KANK1: variants seen among roughly 807,000 people sequenced by gnomAD.
KANK1 encodes KN motif and ankyrin repeat domains 1.
KANK1 carries 109 observed loss-of-function variants against 106.2 expected under a neutral mutation model. The observed-to-expected ratio is 1.03, with a 90% CI of 0.88 to 1.20. The LOEUF is 1.20. Among genes scored for constraint, KANK1 ranks in the 50% most tolerant of loss-of-function variants. KANK1 has a pLI of 0.00. For synonymous variants in KANK1, 873 were observed against 652.2 expected (o/e 1.34, Z -5.16); for missense variants, 2,399 against 1,710.7 (o/e 1.40, Z -7.10).
intron 1 of KANK1, among the ~76,000 whole-genome samples, chr9:518,022 G>A (rs1005254674): frequency 6.6e-6 from 1 of 151,584 alleles, no homozygotes; most frequent in Non-Finnish European, 1.5e-5. Context: ...ACAGGCATGA[G>A]CCACCTTGCC....
At chr9:624,121 T>C (rs1191276052) in intron 1 of KANK1, among the ~76,000 whole-genome samples, 3 of 152,238 alleles carry the variant, frequency 2.0e-5, no homozygotes, top group Non-Finnish European at 4.4e-5. Context: ...AGTGGAATAA[T>C]CCAGACACAG....
chr9:511,041 A>C (rs548211661), intron 1 of KANK1, among the ~76,000 whole-genome samples: 2 of 152,338 alleles, frequency 1.3e-5, no homozygotes, highest in East Asian at 3.9e-4. Flanking sequence ...TGAATGTATA[A>C]TGATGCAAAA....
intron 10 of KANK1, 31 bp from the exon 11 acceptor site, chr9:744,460 A>G (rs760560498): frequency 4.0e-5 from 64 of 1,600,780 alleles, no homozygotes; most frequent in Non-Finnish European, 5.5e-5. Context: ...GAGAAACCCA[A>G]CATGGCTTGT....
At chr9:532,425 T>C (rs899380533) in intron 1 of KANK1, among the ~76,000 whole-genome samples, 7 of 149,730 alleles carry the variant, frequency 4.7e-5, no homozygotes, top group Non-Finnish European at 8.9e-5. Flanking sequence ...AGTTCATTGA[T>C]GTTAAGTATG....
In KANK1 at chr9:730,223, C is replaced by T. The variant is rs142126997; in HGVS notation, c.2871C>T (p.Asp957=). Residue 957 remains aspartate, a synonymous_variant, in exon 4 of 12, where the codon GAC becomes GAT. Transcript: ENST00000382297. ...EGTLSPVNLT[D]DQIAAGLYAC... The stretch of plus-strand genomic sequence containing the variant: ...CGCTGTCTCCAGTGAACCTGACAGA[C>T]GACCAGATCGCCGCTGGCCTCTATG... 2.7e-5 allele frequency: 43 copies of T among 1,614,180 alleles called. No individual in the cohort carries two copies. The highest frequency in any genetic ancestry group is 3.5e-5 in the Non-Finnish European group (41 of 1,180,036).
At chr9:580,327 A>C (rs898920819) in intron 1 of KANK1, among the ~76,000 whole-genome samples, 4 of 152,136 alleles carry the variant, frequency 2.6e-5, no homozygotes, top group Non-Finnish European at 4.4e-5. Flanking sequence ...CCGAAGAGTG[A>C]GCAGCAGCAA....
At chr9:584,225 C>T (rs1470117622) in intron 1 of KANK1, among the ~76,000 whole-genome samples, 2 of 152,084 alleles carry the variant, frequency 1.3e-5, no homozygotes, top group Non-Finnish European at 2.9e-5. Context: ...GAATTTCTAT[C>T]AGAATAAGTG....
chr9:651,711 G>C (rs1338478489), intron 1 of KANK1, among the ~76,000 whole-genome samples: 1 of 152,172 alleles, frequency 6.6e-6, no homozygotes, highest in Non-Finnish European at 1.5e-5. Context: ...TAATGTAGTG[G>C]ATAATGAAAT....
intron 8 of KANK1, among the ~76,000 whole-genome samples, chr9:739,216 C>G (rs1307970857): frequency 6.6e-6 from 1 of 152,180 alleles, no homozygotes; most frequent in Non-Finnish European, 1.5e-5. Context: ...AATGGAGCAG[C>G]CTGATGCCAC....
At chr9:475,415 A>C (rs2058086015) in intron 3 of KANK1, among the ~76,000 whole-genome samples, 1 of 152,312 alleles carries the variant, frequency 6.6e-6, no homozygotes, top group Middle Eastern at 3.4e-3. Context: ...CAAACTGTGC[A>C]CTTGATCTCA....
intron 1 of KANK1, among the ~76,000 whole-genome samples, chr9:506,353 T>A (rs543613525): frequency 1.3e-5 from 2 of 152,216 alleles, no homozygotes; most frequent in South Asian, 4.2e-4. Flanking sequence ...GAGGTTAAAA[T>A]GAATAAGGAT....
intron 1 of KANK1, among the ~76,000 whole-genome samples, chr9:588,618 A>G (rs1028845294): frequency 2.6e-5 from 4 of 152,150 alleles, no homozygotes; most frequent in Non-Finnish European, 5.9e-5. Flanking sequence ...AAAACATTCT[A>G]GGTATTCCTT....
intron 3 of KANK1, chr9:476,785 G>C (rs914000041): frequency 3.9e-5 from 6 of 152,192 alleles, no homozygotes; most frequent in African/African-American, 1.4e-4. Flanking sequence ...TGAGCAGTGT[G>C]TTAAACATCC....
intron 1 of KANK1, among the ~76,000 whole-genome samples, chr9:660,551 C>A (rs1001814669): frequency 1.3e-5 from 2 of 152,114 alleles, no homozygotes; most frequent in Admixed American, 6.6e-5. Flanking sequence ...GCAGTAGGCG[C>A]CTGGCAGTGT....
At chr9:531,341 G>A (rs1432754637) in intron 1 of KANK1, among the ~76,000 whole-genome samples, 4 of 151,810 alleles carry the variant, frequency 2.6e-5, no homozygotes, top group African/African-American at 9.7e-5. Flanking sequence ...TGAGGTGCGA[G>A]GGTTGCTTAA....
intron 1 of KANK1, among the ~76,000 whole-genome samples, chr9:538,178 T>TA (rs60128725): frequency 0.062 from 9,163 of 147,578 alleles, 316 homozygotes; most frequent in African/African-American, 0.091. Flanking sequence ...TTCTCGTCTG[T>TA]AAAAAAAAAA....
At chr9:612,636 C>T (rs1269627995) in intron 1 of KANK1, among the ~76,000 whole-genome samples, 2 of 152,064 alleles carry the variant, frequency 1.3e-5, no homozygotes, top group African/African-American at 4.8e-5. Flanking sequence ...AGTACAGAAA[C>T]AATGAGACAG....
chr9:744,927 G>A (rs1021469296), intron 11 of KANK1: 66 of 1,426,306 alleles, frequency 4.6e-5, no homozygotes, highest in Non-Finnish European at 5.8e-5. Flanking sequence ...CAGATGGCAG[G>A]CAGCCTGTAG....
At chr9:576,938 G>GTTCTTAAAGTTCTTAAGTGTTAAC (rs1820720279) in intron 1 of KANK1, among the ~76,000 whole-genome samples, 1 of 152,176 alleles carries the variant, frequency 6.6e-6, no homozygotes, top group East Asian at 1.9e-4. Context: ...GACCCTCACG[G>GTTCTTAAAGTTCTTAAGTGTTAAC]TGAGTGTTAC....
Sources: gnomAD v4.1 joint callset for allele counts (sites outside exome capture counted in the v4.1 genomes callset) on GRCh38, gnomAD v4.1.1 for gene constraint, MANE v1.5 for transcripts, NCBI Gene and HGNC (gene_info 2026-07-23, HGNC 2026-07-21) for gene names.